Variants in CD4 observed in about 807,000 individuals in gnomAD.
The protein encoded by CD4 is CD4 molecule, also known as T-cell surface glycoprotein CD4.
In CD4, 25 loss-of-function variants were observed where a neutral mutation model predicts 50.5. The observed-to-expected ratio is 0.49, with a 90% CI of 0.36 to 0.69. The LOEUF is 0.69. Among genes scored for constraint, CD4 ranks in the 30% least tolerant of loss-of-function variants. The pLI, the probability that CD4 is intolerant of heterozygous loss-of-function variation, is 0.00. For synonymous variants in CD4, 207 were observed against 221.9 expected (o/e 0.93, Z 0.60); for missense variants, 456 against 548.5 (o/e 0.83, Z 1.68).
intron 3 of CD4, among the ~76,000 whole-genome samples, chr12:6,806,994 T>C (rs11837559): frequency 0.11 from 17,292 of 151,946 alleles, 1,809 homozygotes; most frequent in African/African-American, 0.28. Context: ...GGTGAAACCC[T>C]GTCTCTACTA....
Position 6,819,403 on chromosome 12 carries a change from T to A in CD4, c.*74T>A, listed in dbSNP as rs16932921. 0.052 allele frequency: 73,111 copies of A among 1,418,526 alleles called. 3,702 individuals carry two copies. The highest frequency in any genetic ancestry group is 0.21 in the African/African-American group (14,647 of 70,936). The allele number at this position is 1,418,526 out of a possible 1,614,324, so 87.9% of individuals were successfully genotyped here. A position where few individuals can be genotyped will look rare whatever the true frequency, so the allele number is the denominator to read the frequency against. On this transcript the variant is annotated 3_prime_UTR_variant, in exon 10 of 10. Transcript: ENST00000011653. ...CCGCGTTTCCTGCCTGCGGACCAGA[T>A]GAATGTAGCAGATCCCCAGCCTCTG...
At chr12:6,813,699 G>T (rs782343414) in intron 3 of CD4, 1 of 154,988 alleles carries the variant, frequency 6.5e-6, no homozygotes, top group African/African-American at 2.4e-5. Flanking sequence ...ACCATCCAAA[G>T]AAATTGTACT....
chr12:6,801,213 AT>A (rs1323203394), intron 3 of CD4, among the ~76,000 whole-genome samples: 38 of 151,152 alleles, frequency 2.5e-4, no homozygotes, highest in Non-Finnish European at 5.0e-4. Flanking sequence ...GCCAAAAAAA[AT>A]TTTTTTAATT....
At chr12:6,804,600 T>C (rs782557521) in intron 3 of CD4, among the ~76,000 whole-genome samples, 3 of 152,278 alleles carry the variant, frequency 2.0e-5, no homozygotes, top group African/African-American at 7.2e-5. Flanking sequence ...AGGCCAGGCA[T>C]GGTGGCTCAC....
chr12:6,815,325 A>G (rs1353230360), intron 5 of CD4, among the ~76,000 whole-genome samples: 1 of 152,120 alleles, frequency 6.6e-6, no homozygotes, highest in Non-Finnish European at 1.5e-5. Flanking sequence ...CACCCCTACC[A>G]AGTTGGCAAA....
At chr12:6,801,623 T>G (rs1215892121) in intron 3 of CD4, among the ~76,000 whole-genome samples, 8 of 150,212 alleles carry the variant, frequency 5.3e-5, no homozygotes, top group African/African-American at 2.0e-4. Flanking sequence ...TGCGGTGGCG[T>G]GATCTTGGCT....
chr12:6,791,271 C>G (rs1942151159), intron 1 of CD4, among the ~76,000 whole-genome samples: 1 of 152,208 alleles, frequency 6.6e-6, no homozygotes, highest in Non-Finnish European at 1.5e-5. Flanking sequence ...GAGACGGAGT[C>G]TCGCTCTCTT....
intron 1 of CD4, among the ~76,000 whole-genome samples, chr12:6,793,689 TATCTATCTA>T (rs1565488156): frequency 1.7e-5 from 2 of 114,930 alleles, no homozygotes; most frequent in African/African-American, 3.4e-5. Flanking sequence ...TCTATCTATC[TATCTATCTA>T]TCTATCTTTT....
intron 1 of CD4, among the ~76,000 whole-genome samples, chr12:6,793,622 G>A (rs565062261): frequency 6.6e-6 from 1 of 150,820 alleles, no homozygotes; most frequent in Admixed American, 6.6e-5. Flanking sequence ...CTACTTCCCC[G>A]GTTTAAACAA....
Position 6,812,619 on chromosome 12 carries a change from C to T in CD4, c.215-1523C>T, listed in dbSNP as rs191367975. On this transcript the variant is annotated intron_variant, in intron 3 of 9. Coordinates refer to ENST00000011653, the MANE Select transcript of CD4 (RefSeq NM_000616.5). ...GCTTGAACCCGGGAGGCGGAGGTTGCGGTGAGCCAAGATCATGCCATTGCA... is the reference window on the plus strand; with the variant it reads ...GCTTGAACCCGGGAGGCGGAGGTTGTGGTGAGCCAAGATCATGCCATTGCA... Among the ~76,000 whole-genome samples the T allele has an allele frequency of 6.3e-4, 96 of 151,714 alleles. No individual in the cohort carries two copies. The East Asian group carries it at 9.5e-3, about 15-fold the overall frequency.
At chr12:6,808,641 A>G (rs1565496569) in intron 3 of CD4, among the ~76,000 whole-genome samples, 1 of 152,062 alleles carries the variant, frequency 6.6e-6, no homozygotes, top group Admixed American at 6.6e-5. Flanking sequence ...ATTTCATTGT[A>G]AGTTATTTGT....
chr12:6,817,872 C>A (rs56974212), intron 7 of CD4, among the ~76,000 whole-genome samples: 1 of 146,554 alleles, frequency 6.8e-6, no homozygotes, highest in Non-Finnish European at 1.5e-5. Context: ...CATGCATGCA[C>A]ACACACACTT....
In CD4 at chr12:6,818,287, C is replaced by T. The variant is rs1203042046; in HGVS notation, c.1157-134C>T. The T allele has an allele frequency of 1.8e-5, 21 of 1,136,080 alleles. No individual in the cohort carries two copies. In the Admixed American group the frequency reaches 4.5e-4, roughly 24 times the overall value. 70.4% of individuals were successfully genotyped at this position (1,136,080 alleles called of 1,614,324 possible). A position where few individuals can be genotyped will look rare whatever the true frequency, so the allele number is the denominator to read the frequency against. Reference sequence around the variant, plus strand: ...CCCAGCACTGGCGGCCTTTGAGAGCCCCCAGGCACCCCTCCCCTCTCCCCC... The same window carrying T: ...CCCAGCACTGGCGGCCTTTGAGAGCTCCCAGGCACCCCTCCCCTCTCCCCC... On this transcript the variant is annotated intron_variant, in intron 7 of 9. Coordinates refer to ENST00000011653, the MANE Select transcript of CD4 (RefSeq NM_000616.5). The surrounding 1 kb of genome is among the most constrained non-coding windows in gnomAD (Gnocchi z 5.0).
In CD4 at chr12:6,815,177, T is replaced by C. The variant is rs1000481071; in HGVS notation, c.607+185T>C. 1.4e-5 allele frequency: 8 copies of C among 575,630 alleles called. No individual in the cohort carries two copies. In the East Asian group the frequency reaches 2.5e-4, roughly 18 times the overall value. 35.7% of individuals were successfully genotyped at this position (575,630 alleles called of 1,614,324 possible). A position where few individuals can be genotyped will look rare whatever the true frequency, so the allele number is the denominator to read the frequency against. On this transcript the variant is annotated intron_variant, in intron 5 of 9. Transcript: ENST00000011653. ...GGGCCCTCATCCTCAGGGGGCTGAT[T>C]GGCAGCCACCCCTCAGTGTGGTGGA...
intron 3 of CD4, among the ~76,000 whole-genome samples, chr12:6,807,474 ATACTGTAT>A (rs1942799334): frequency 6.6e-6 from 1 of 152,222 alleles, no homozygotes; most frequent in Non-Finnish European, 1.5e-5. Context: ...AAAAGGTAAT[ATACTGTAT>A]TAATCCATTT....
chr12:6,802,707 TTA>T (rs1555115544), intron 3 of CD4, among the ~76,000 whole-genome samples: 1 of 152,186 alleles, frequency 6.6e-6, no homozygotes, highest in Middle Eastern at 3.2e-3. Context: ...CTTCCTTAAG[TTA>T]TATCATAATG....
Position 6,801,213 on chromosome 12 carries a change from A to T in CD4, c.214+742A>T, listed in dbSNP as rs10128992. On this transcript the variant is annotated intron_variant, in intron 3 of 9. Transcript: ENST00000011653. ...GTGTCACTATGCCTAGCCAAAAAAA[A>T]TTTTTTTAATTAAAAAAAAAAAGGC... Among the ~76,000 whole-genome samples the T allele has an allele frequency of 1.0e-2, 1,509 of 151,266 alleles. 26 individuals carry two copies. Among genetic ancestry groups the T allele is most frequent in the African/African-American group, 0.028 (1,141 of 41,262 alleles).
chr12:6,812,258 A>G (rs1942960185), intron 3 of CD4, among the ~76,000 whole-genome samples: 1 of 152,060 alleles, frequency 6.6e-6, no homozygotes, highest in African/African-American at 2.4e-5. Flanking sequence ...AATTAGCCAG[A>G]TGTGGTGGTG....
chr12:6,814,956 A>G lies in CD4; in HGVS notation c.571A>G (p.Lys191Glu), dbSNP rs28917504. The G allele has an allele frequency of 1.2e-3, 1,881 of 1,613,414 alleles. 14 individuals are homozygous for G. In the African/African-American group the frequency reaches 0.021, roughly 18 times the overall value. ...TWTCTVLQNQKKVEFKIDIVV... is the reference protein window; with the variant it reads ...TWTCTVLQNQEKVEFKIDIVV... The stretch of plus-strand genomic sequence containing the variant: ...GACATGCACTGTCTTGCAGAACCAG[A>G]AGAAGGTGGAGTTCAAAATAGACAT... The change falls in exon 5 of 10, where the codon AAG becomes GAG. Residue 191 changes from lysine (K) to glutamate (E), a missense_variant. Physicochemically the swap from Lys to Glu is moderately conservative, Grantham distance 56 (BLOSUM62 1). Transcript: ENST00000011653.
Sources: allele counts gnomAD v4.1 joint callset (sites outside exome capture counted in the v4.1 genomes callset), GRCh38; gene constraint gnomAD v4.1.1; non-coding constraint Gnocchi (gnomAD v3.1); transcripts MANE v1.5; gene names NCBI Gene and HGNC (gene_info 2026-07-23, HGNC 2026-07-21).